Variants in METTL6 observed in about 807,000 individuals in gnomAD.
METTL6 encodes the protein tRNA N(3)-cytidine methyltransferase METTL6.
In METTL6, 22 loss-of-function variants were observed where a neutral mutation model predicts 26.4. The observed-to-expected ratio is 0.83, with a 90% CI of 0.59 to 1.19. The LOEUF (loss-of-function observed/expected upper bound fraction) is 1.19, where lower values mean the gene tolerates loss of function less well. METTL6 is among the 50% of genes most tolerant of loss of function. The pLI is 0.00. For synonymous variants in METTL6, 109 were observed against 116.2 expected (o/e 0.94, Z 0.40); for missense variants, 304 against 324.8 (o/e 0.94, Z 0.49).
rs1218683609 is a variant in METTL6, at chr3:15,410,181, A to C, written c.*1075T>G. Among the ~76,000 whole-genome samples the C allele has an allele frequency of 6.6e-6, 1 of 152,036 alleles. No individual in the cohort carries two copies. The highest frequency in any genetic ancestry group is 2.4e-5 in the African/African-American group (1 of 41,430). On this transcript the variant is annotated 3_prime_UTR_variant, in exon 6 of 6. Transcript: ENST00000383790. ...TCCTATTTTTTAATACAAAAAGTAC[A>C]TAGTAGCCCCCCGTATCTGCGGGTG...
At chr3:15,415,051 C>CAAACAAAT (rs386396011) in intron 4 of METTL6, 3 of 923,788 alleles carry the variant, frequency 3.2e-6, no homozygotes, top group Non-Finnish European at 4.1e-6. Flanking sequence ...AAAAAACAAA[C>CAAACAAAT]AAACAAACAA....
At chr3:15,422,992 AAAC>A (rs1175132723) in intron 3 of METTL6, among the ~76,000 whole-genome samples, 1 of 152,276 alleles carries the variant, frequency 6.6e-6, no homozygotes, top group Non-Finnish European at 1.5e-5. Context: ...TAATGCAAAT[AAAC>A]AATTAGACCA....
At chr3:15,419,709 TC>T (rs1248901176) in intron 3 of METTL6, among the ~76,000 whole-genome samples, 8 of 152,192 alleles carry the variant, frequency 5.3e-5, no homozygotes, top group Non-Finnish European at 8.8e-5. Flanking sequence ...ATGCTCTTCT[TC>T]CAAGGAATTC....
At chr3:15,406,621 TATATATATAGAGAG>T (rs1362400422), downstream of METTL6, among the ~76,000 whole-genome samples, 23 of 41,206 alleles carry the variant, frequency 5.6e-4, no homozygotes, top group East Asian at 1.5e-3. Flanking sequence ...TATATATATA[TATATATATAGAGAG>T]AGAGAGAGAG....
intron 5 of METTL6, among the ~76,000 whole-genome samples, chr3:15,413,301 A>G (rs1417155989): frequency 3.3e-5 from 5 of 152,164 alleles, no homozygotes; most frequent in Non-Finnish European, 7.4e-5. Context: ...CAGGACAGGC[A>G]TGGTGACTAA....
At chr3:15,426,727 C>CAA in intron 1 of METTL6, 92 bp from the exon 2 acceptor site, 1 of 557,830 alleles carries the variant, frequency 1.8e-6, no homozygotes, top group Non-Finnish European at 3.2e-6. Flanking sequence ...GCAGACTGTA[C>CAA]AAAAAAAAAT....
At chr3:15,415,681 T>G in intron 4 of METTL6, 91 bp downstream of exon 4, 1 of 1,599,198 alleles carries the variant, frequency 6.3e-7, no homozygotes, top group South Asian at 1.1e-5. Context: ...AGAGACTATG[T>G]GAATCTAGAC....
chr3:15,413,580 C>CA (rs1700062228), intron 5 of METTL6: 4 of 1,120,996 alleles, frequency 3.6e-6, no homozygotes, highest in Non-Finnish European at 4.5e-6. Flanking sequence ...TCAAAAACAA[C>CA]AAAAAAACCA....
Position 15,414,034 on chromosome 3 carries a change from AT to A in METTL6, c.659del (p.Tyr220PhefsTer21). 5 of 1,614,124 alleles carry A rather than the reference AT, an allele frequency of 3.1e-6. No individual in the cohort carries two copies. The highest frequency in any genetic ancestry group is 4.2e-6 in the Non-Finnish European group (5 of 1,180,008). Reference sequence around the variant, plus strand: ...CATTCATCTTACCATCAGTAAAAAAATATGATCTGGTCCCATCTTGTCTAAC... The same window carrying A: ...CATTCATCTTACCATCAGTAAAAAAAATGATCTGGTCCCATCTTGTCTAAC... ...FYVRQDGTRS[Y>X]FFTDDFLAQL... On this transcript the variant is annotated frameshift_variant, in exon 5 of 6. Coordinates refer to ENST00000383790, the MANE Select transcript of METTL6 (RefSeq NM_152396.4). LOFTEE classifies it high-confidence loss of function.
chr3:15,397,466 G>A (rs563692665), intron 6 of METTL6, among the ~76,000 whole-genome samples: 18 of 152,158 alleles, frequency 1.2e-4, no homozygotes, highest in African/African-American at 3.1e-4. Context: ...GCTTCGGCTC[G>A]GGCTCAATGC....
chr3:15,425,183 C>T (rs951119272), intron 2 of METTL6, 94 bp from the exon 3 acceptor site: 3 of 1,331,578 alleles, frequency 2.3e-6, no homozygotes, highest in Middle Eastern at 1.9e-4. Flanking sequence ...AGGTCTCCGA[C>T]CCCATGGAGC....
intron 6 of METTL6, among the ~76,000 whole-genome samples, chr3:15,386,355 G>A (rs1575380890): frequency 6.6e-6 from 1 of 152,148 alleles, no homozygotes; most frequent in Non-Finnish European, 1.5e-5. Flanking sequence ...TCAGCCAAGG[G>A]GCAGAAGCAG....
intron 6 of METTL6, among the ~76,000 whole-genome samples, chr3:15,394,047 G>C (rs1391644185): frequency 6.6e-6 from 1 of 152,128 alleles, no homozygotes; most frequent in Admixed American, 6.6e-5. Context: ...TTTTTCTATT[G>C]ATTGGAATAG....
In METTL6 at chr3:15,426,380, A is replaced by T; in HGVS notation, c.132T>A (p.Asn44Lys). 6.2e-7 allele frequency: 1 copy of T among 1,614,010 alleles called. No individual in the cohort carries two copies. The highest frequency in any genetic ancestry group is 8.5e-7 in the Non-Finnish European group (1 of 1,179,988). ...TATTTCTTTTGTAAAAAAGATCCCA[A>T]TTTTTCTGAGCCTCTTGTTCCAATT... ...QQKLEQEAQK[N>K]WDLFYKRNST... Residue 44 changes from asparagine to lysine, a missense_variant, in exon 2 of 6, where the codon AAT becomes AAA. Coordinates refer to ENST00000383790, the MANE Select transcript of METTL6 (RefSeq NM_152396.4).
downstream of METTL6, among the ~76,000 whole-genome samples, chr3:15,405,103 A>G (rs1181601160): frequency 6.6e-6 from 1 of 152,254 alleles, no homozygotes; most frequent in Admixed American, 6.5e-5. Flanking sequence ...TCCAAACAAC[A>G]GTAAAAGCAA....
At chr3:15,415,397 T>A in intron 4 of METTL6, 1 of 1,176,740 alleles carries the variant, frequency 8.5e-7, no homozygotes, top group Non-Finnish European at 1.2e-6. Context: ...CCTCAAGTGA[T>A]TCACCTGCCT....
chr3:15,423,685 C>T (rs1373083541), intron 3 of METTL6, among the ~76,000 whole-genome samples: 1 of 152,028 alleles, frequency 6.6e-6, no homozygotes, highest in Non-Finnish European at 1.5e-5. Flanking sequence ...CCAGCCTGGG[C>T]AACGCAGTGA....
chr3:15,426,009 C>T (rs1202556547), intron 2 of METTL6, among the ~76,000 whole-genome samples: 4 of 152,132 alleles, frequency 2.6e-5, no homozygotes, highest in Non-Finnish European at 5.9e-5. Context: ...GGCACAATCT[C>T]GGCTCACTGC....
downstream of METTL6, among the ~76,000 whole-genome samples, chr3:15,408,216 G>A (rs552359337): frequency 2.6e-5 from 4 of 152,284 alleles, no homozygotes; most frequent in African/African-American, 9.6e-5. Context: ...TGACTGGAAC[G>A]AGACACAGGG....
Sources: allele counts gnomAD v4.1 joint callset (sites outside exome capture counted in the v4.1 genomes callset), GRCh38; gene constraint gnomAD v4.1.1; transcripts MANE v1.5; gene names NCBI Gene and HGNC (gene_info 2026-07-23, HGNC 2026-07-21).